Variants in FOCAD observed in about 807,000 individuals in gnomAD.
The protein encoded by FOCAD is focadhesin, also known as KIAA1797.
FOCAD carries 198 observed loss-of-function variants against 225.6 expected under a neutral mutation model. The observed-to-expected ratio is 0.88, with a 90% CI of 0.78 to 0.99. The LOEUF is 0.99. FOCAD is among the 50% of genes least tolerant of loss of function. FOCAD has a pLI of 0.00. For synonymous variants in FOCAD, 897 were observed against 755.0 expected (o/e 1.19, Z -3.08); for missense variants, 2,713 against 2,123.6 (o/e 1.28, Z -5.46).
intron 1 of FOCAD, among the ~76,000 whole-genome samples, chr9:20,690,391 A>G (rs1313264379): frequency 6.6e-6 from 1 of 152,158 alleles, no homozygotes; most frequent in Non-Finnish European, 1.5e-5. Flanking sequence ...CCACTGTACA[A>G]TTTATTTGTT....
chr9:20,976,369 T>C (rs781397789), intron 35 of FOCAD, 51 bp from the exon 36 acceptor site: 1 of 1,578,636 alleles, frequency 6.3e-7, no homozygotes, highest in East Asian at 2.3e-5. Flanking sequence ...ATTTTCCACT[T>C]CCATGATAGT....
At chr9:20,671,081 T>A (rs1822050890) in intron 2 of FOCAD, among the ~76,000 whole-genome samples, 1 of 152,206 alleles carries the variant, frequency 6.6e-6, no homozygotes, top group Admixed American at 6.5e-5. Flanking sequence ...TTTCTGATCT[T>A]CTGTAATAAG....
intron 35 of FOCAD, among the ~76,000 whole-genome samples, chr9:20,968,228 A>G (rs1839438350): frequency 6.6e-6 from 1 of 152,010 alleles, no homozygotes; most frequent in Non-Finnish European, 1.5e-5. Flanking sequence ...TAGATTATCT[A>G]ATCTGTTGGC....
chr9:20,932,923 G>A, intron 27 of FOCAD, 91 bp from the exon 28 acceptor site: 2 of 880,776 alleles, frequency 2.3e-6, no homozygotes, highest in South Asian at 3.3e-5. Flanking sequence ...GGTATTTCCA[G>A]TAAAATATTG....
In FOCAD at chr9:20,773,987, A is replaced by G. The variant is rs867547242; in HGVS notation, c.906+3749A>G. 7.2e-5 allele frequency among the ~76,000 whole-genome samples: 11 copies of G among 152,284 alleles called. No individual in the cohort carries two copies. In the South Asian group the frequency reaches 1.4e-3, roughly 20 times the overall value. On this transcript the variant is annotated intron_variant, in intron 8 of 43. Transcript: ENST00000338382. ...GAGCCAGCATTACTGCCTAAACTCC[A>G]TCTCCTGTCAGATCAGCCGATGCAT... is the stretch of plus-strand genomic sequence containing the variant.
chr9:20,920,706 C>G (rs539681460), intron 24 of FOCAD, among the ~76,000 whole-genome samples: 1 of 151,562 alleles, frequency 6.6e-6, no homozygotes, highest in Admixed American at 6.6e-5. Flanking sequence ...AGTAAACTAT[C>G]GCAAGGTCAA....
chr9:20,800,783 A>G (rs11792466), intron 11 of FOCAD, among the ~76,000 whole-genome samples: 30,486 of 151,882 alleles, frequency 0.2, 3,289 homozygotes, highest in East Asian at 0.24. Context: ...CTTCTTTGCC[A>G]TGGGTTCAGA....
intron 2 of FOCAD, among the ~76,000 whole-genome samples, chr9:20,670,011 G>C (rs1259163244): frequency 6.6e-6 from 1 of 152,110 alleles, no homozygotes; most frequent in Non-Finnish European, 1.5e-5. Context: ...AAAATTAAAA[G>C]TCATTTAAAA....
chr9:20,909,449 A>G (rs985762036), intron 22 of FOCAD, among the ~76,000 whole-genome samples: 3 of 152,116 alleles, frequency 2.0e-5, no homozygotes, highest in African/African-American at 4.8e-5. Flanking sequence ...TGAATAATGC[A>G]AATTTGTTTA....
chr9:20,756,937 G>GT (rs531276441), intron 5 of FOCAD, among the ~76,000 whole-genome samples: 31 of 151,514 alleles, frequency 2.0e-4, no homozygotes, highest in East Asian at 1.4e-3. Context: ...GCATTTTAAT[G>GT]TTTTTTTTTG....
At chr9:20,800,773 C>A (rs912597352) in intron 11 of FOCAD, among the ~76,000 whole-genome samples, 1 of 152,194 alleles carries the variant, frequency 6.6e-6, no homozygotes, top group South Asian at 2.1e-4. Flanking sequence ...AGGTTTTTAA[C>A]TTCTTTGCCA....
At chr9:20,950,825 A>G (rs1249012207) in intron 33 of FOCAD, among the ~76,000 whole-genome samples, 171 bp from the exon 34 acceptor site, 1 of 152,200 alleles carries the variant, frequency 6.6e-6, no homozygotes, top group Non-Finnish European at 1.5e-5. Context: ...GAGTATCTAT[A>G]TGACACAGGT....
At chr9:20,816,592 C>T (rs973102345) in intron 11 of FOCAD, among the ~76,000 whole-genome samples, 1 of 151,766 alleles carries the variant, frequency 6.6e-6, no homozygotes, top group African/African-American at 2.4e-5. Context: ...GTTTAATTGT[C>T]AATGTCTTGG....
intron 11 of FOCAD, among the ~76,000 whole-genome samples, chr9:20,804,411 G>A (rs553466160): frequency 6.6e-6 from 1 of 152,052 alleles, no homozygotes; most frequent in South Asian, 2.1e-4. Flanking sequence ...TTTTGAAGCC[G>A]GGGAGGGTTC....
intron 11 of FOCAD, 132 bp downstream of exon 11, chr9:20,789,740 A>G (rs946605297): frequency 3.9e-6 from 4 of 1,019,508 alleles, no homozygotes; most frequent in East Asian, 2.6e-5. Flanking sequence ...TTTTTTTGCT[A>G]TCTTTATCCT....
chr9:20,799,915 G>A (rs575861845), intron 11 of FOCAD, among the ~76,000 whole-genome samples: 3 of 152,158 alleles, frequency 2.0e-5, no homozygotes, highest in Admixed American at 1.3e-4. Flanking sequence ...TATTTTGCTC[G>A]TTAGTTGATG....
At chr9:20,886,593 C>G (rs1754750667) in intron 21 of FOCAD, among the ~76,000 whole-genome samples, 2 of 152,134 alleles carry the variant, frequency 1.3e-5, no homozygotes, top group South Asian at 4.1e-4. Context: ...CACAGAAAAT[C>G]TTTGGGTTAA....
In FOCAD at chr9:20,821,041, C is replaced by T. The variant is rs1265887124; in HGVS notation, c.1763C>T (p.Ala588Val). Reference sequence around the variant, plus strand: ...CAATGGGAGAAACTGATTGCAAAAGCAGCATCAATCAGAGATATATGTAAG... The same window carrying T: ...CAATGGGAGAAACTGATTGCAAAAGTAGCATCAATCAGAGATATATGTAAG... ...EVQWEKLIAK[A>V]ASIRDICKQR... The change falls in exon 14 of 44, where the codon GCA becomes GTA. Residue 588 changes from alanine (A) to valine (V), a missense_variant. By Grantham distance (64) the Ala-to-Val change is moderately conservative (BLOSUM62 0). Coordinates refer to ENST00000338382, the MANE Select transcript of FOCAD (RefSeq NM_001375567.1). The T allele has an allele frequency of 2.5e-6, 4 of 1,612,448 alleles. No homozygotes were observed. The highest frequency in any genetic ancestry group is 1.1e-5 in the South Asian group (1 of 91,040).
intron 1 of FOCAD, among the ~76,000 whole-genome samples, chr9:20,697,754 T>C (rs1316712551): frequency 6.6e-6 from 1 of 152,248 alleles, no homozygotes; most frequent in Admixed American, 6.5e-5. Context: ...TATACTGTAG[T>C]TCAAGCAATT....
Sources: gnomAD v4.1 joint callset for allele counts (sites outside exome capture counted in the v4.1 genomes callset) on GRCh38, gnomAD v4.1.1 for gene constraint, MANE v1.5 for transcripts, NCBI Gene and HGNC (gene_info 2026-07-23, HGNC 2026-07-21) for gene names.